Variants in CNOT4 observed in about 807,000 individuals in gnomAD.
CNOT4 encodes the protein CCR4-associated factor 4.
CNOT4 carries 8 observed loss-of-function variants against 73.8 expected under a neutral mutation model. That is an observed-to-expected ratio of 0.11 (90% CI 0.06 to 0.20). CNOT4 has a LOEUF of 0.20. Among genes scored for constraint, CNOT4 ranks in the 10% least tolerant of loss-of-function variants. The probability of loss-of-function intolerance (pLI) is 1.00; values close to 1 mark genes in which losing one functional copy is unlikely to be tolerated. For missense variants in CNOT4, 564 were observed against 883.4 expected (o/e 0.64, Z 4.58); for synonymous variants, 293 against 321.1 (o/e 0.91, Z 0.94).
chr7:135,443,045 T>C (rs1174606848), intron 1 of CNOT4, among the ~76,000 whole-genome samples: 1 of 151,164 alleles, frequency 6.6e-6, no homozygotes, highest in Admixed American at 6.6e-5. Flanking sequence ...GGTGATAGAG[T>C]GAAACCCTGT....
At chr7:135,465,682 C>T (rs1297233142) in intron 1 of CNOT4, among the ~76,000 whole-genome samples, 2 of 151,950 alleles carry the variant, frequency 1.3e-5, no homozygotes, top group East Asian at 3.9e-4. Context: ...TGGTGATGAT[C>T]CTGACCCTGT....
chr7:135,442,748 T>G (rs1275477298), intron 1 of CNOT4, among the ~76,000 whole-genome samples: 2 of 152,176 alleles, frequency 1.3e-5, no homozygotes, highest in African/African-American at 4.8e-5. Context: ...TAGAATTAAT[T>G]TGGCAGGGAA....
chr7:135,363,768 G>T lies in CNOT4; in HGVS notation c.1840+86C>A. 1 of 1,122,364 alleles carries T rather than the reference G, an allele frequency of 8.9e-7. No homozygotes were observed. The highest frequency in any genetic ancestry group is 1.3e-6 in the Non-Finnish European group (1 of 787,548). 69.5% of individuals were successfully genotyped at this position (1,122,364 alleles called of 1,614,324 possible). On this transcript the variant is annotated intron_variant, in intron 11 of 11. Transcript: ENST00000541284. The surrounding 1 kb of genome is among the most constrained non-coding windows in gnomAD (Gnocchi z 4.3). ...TGCGGCTTTGTGAAAAGCAGCTTAT[G>T]TTGAAGAGATCTCGGTTTTTATTTA...
At position 135,363,030 on chromosome 7, in the gene CNOT4, A is replaced by C; in HGVS notation, c.1997T>G (p.Leu666Arg). ...GTAGGGATTCCAACTGGCTCTGTGC[A>C]GCGGGATCTGTGTGCTGAAGGGGGC... ...HSAPFSTQIP[L>R]HRASWNPYPP... Residue 666 changes from leucine (L) to arginine (R), a missense_variant, in exon 12 of 12, where the codon CTG becomes CGG. Around this residue, in one of 10 missense-constraint regions of CNOT4, gnomAD observed 88 missense variants for 94.7 expected, o/e 0.93. Coordinates refer to ENST00000541284, the MANE Select transcript of CNOT4 (RefSeq NM_001190850.2). The surrounding 1 kb of genome is among the most constrained non-coding windows in gnomAD (Gnocchi z 4.3). The C allele has an allele frequency of 1.9e-6, 3 of 1,612,458 alleles. No homozygotes were observed. The highest frequency in any genetic ancestry group is 2.5e-6 in the Non-Finnish European group (3 of 1,179,658).
At position 135,483,118 on chromosome 7, in the gene CNOT4, T is replaced by C. The variant is rs186898134; in HGVS notation, c.-93+26771A>G. 7.1e-4 allele frequency among the ~76,000 whole-genome samples: 107 copies of C among 151,652 alleles called. 1 individual carries two copies. Among genetic ancestry groups the C allele is most frequent in the Admixed American group, 2.6e-3 (39 of 15,186 alleles). ...GGGAGGCCAAGGCAGGAGGACTGCTTGAGCCCTGGCATTTGAGACCAACCT... is the reference window on the plus strand; with the variant it reads ...GGGAGGCCAAGGCAGGAGGACTGCTCGAGCCCTGGCATTTGAGACCAACCT... On this transcript the variant is annotated intron_variant, in intron 1 of 11. Transcript: ENST00000541284.
At chr7:135,388,481 A>G in intron 10 of CNOT4, 1 of 999,020 alleles carries the variant, frequency 1.0e-6, no homozygotes, top group Non-Finnish European at 1.2e-6. Flanking sequence ...TTTCAATAAT[A>G]GAGCCAAAAT....
At chr7:135,459,717 T>A (rs2129486251) in intron 1 of CNOT4, among the ~76,000 whole-genome samples, 1 of 152,296 alleles carries the variant, frequency 6.6e-6, no homozygotes, top group South Asian at 2.1e-4. Flanking sequence ...GAATAGTCCA[T>A]GAGCACTGAC....
chr7:135,388,131 T>C (rs1243479796), intron 10 of CNOT4: 18 of 984,806 alleles, frequency 1.8e-5, no homozygotes, highest in Non-Finnish European at 2.0e-5. Flanking sequence ...AGAGATTATA[T>C]TGCATTTAGG....
chr7:135,425,016 T>G (rs1309113278), intron 2 of CNOT4, among the ~76,000 whole-genome samples: 5 of 152,172 alleles, frequency 3.3e-5, no homozygotes, highest in African/African-American at 7.2e-5. Flanking sequence ...TCAGAGCAAC[T>G]GACACTACCC....
chr7:135,388,140 G>A (rs1319440810), intron 10 of CNOT4: 1 of 984,818 alleles, frequency 1.0e-6, no homozygotes, highest in Non-Finnish European at 1.2e-6. Flanking sequence ...ATTGCATTTA[G>A]GCTACAATAA....
chr7:135,489,387 A>AT (rs1170141212), intron 1 of CNOT4, among the ~76,000 whole-genome samples: 2 of 126,420 alleles, frequency 1.6e-5, no homozygotes, highest in African/African-American at 3.1e-5. Context: ...GACTAGTCAC[A>AT]TTTCTTTTTT....
chr7:135,414,293 C>T, intron 5 of CNOT4, 38 bp downstream of exon 5: 1 of 776,414 alleles, frequency 1.3e-6, no homozygotes, highest in Non-Finnish European at 2.2e-6. Context: ...TCTCGTCTTC[C>T]TTAAAAAAAA....
At chr7:135,444,382 A>C in intron 1 of CNOT4, 2 of 695,490 alleles carry the variant, frequency 2.9e-6, no homozygotes, top group Non-Finnish European at 5.3e-6. Flanking sequence ...CCATCAATGG[A>C]GGCATACACA....
intron 1 of CNOT4, among the ~76,000 whole-genome samples, chr7:135,451,763 CAA>C (rs1378349588): frequency 2.6e-5 from 4 of 152,104 alleles, no homozygotes; most frequent in African/African-American, 7.2e-5. Flanking sequence ...TGTGTTTTTG[CAA>C]AGAGACTATT....
chr7:135,456,027 G>A (rs1320465093), intron 1 of CNOT4, among the ~76,000 whole-genome samples: 3 of 152,130 alleles, frequency 2.0e-5, no homozygotes, highest in African/African-American at 7.2e-5. Flanking sequence ...GAAAACAGAA[G>A]AGAATCTAGA....
rs61487024 is a variant in CNOT4, at chr7:135,479,198, ATTTTTTTTTTTT to A, written c.-93+30679_-93+30690del. ...TCTCACCAAAGCCTATTAGAACCAA[ATTTTTTTTTTTT>A]TTTTTTTTTTTTTTTTTGAGATGGA... On this transcript the variant is annotated intron_variant, in intron 1 of 11. Transcript: ENST00000541284. Among the ~76,000 whole-genome samples, 134 of 89,876 alleles carry A rather than the reference ATTTTTTTTTTTT, an allele frequency of 1.5e-3. 2 individuals are homozygous for A. Among genetic ancestry groups the A allele is most frequent in the Middle Eastern group, 7.0e-3 (1 of 142 alleles). The allele number at this position is 89,876 out of a possible 152,430, so 59.0% of individuals were successfully genotyped here.
chr7:135,383,720 T>C (rs1240564990), intron 10 of CNOT4, among the ~76,000 whole-genome samples: 2 of 152,228 alleles, frequency 1.3e-5, no homozygotes, highest in Non-Finnish European at 2.9e-5. Flanking sequence ...CATTGAGTGG[T>C]TATCACAGTG....
chr7:135,414,391 T>C lies in CNOT4; in HGVS notation c.501A>G (p.Glu167=). ...CACACTGTATGGCTCTGAGAGCGTCTTCTGACCGGATATAGGTTACATAAG... is the reference window on the plus strand; with the variant it reads ...CACACTGTATGGCTCTGAGAGCGTCCTCTGACCGGATATAGGTTACATAAG... ...ASAYVTYIRS[E]DALRAIQCVN... The change falls in exon 5 of 12, where the codon GAA becomes GAG. Residue 167 remains glutamate (E), a synonymous_variant. Transcript: ENST00000541284. 6.4e-7 allele frequency: 1 copy of C among 1,567,502 alleles called. No homozygotes were observed. Among genetic ancestry groups the C allele is most frequent in the Non-Finnish European group, 8.8e-7 (1 of 1,138,888 alleles).
At chr7:135,378,436 A>G (rs111838423) in intron 10 of CNOT4, among the ~76,000 whole-genome samples, 5,328 of 151,956 alleles carry the variant, frequency 0.035, 316 homozygotes, top group African/African-American at 0.12. Context: ...CCTGGGAGGC[A>G]GAGGCTGCAG....
Sources: gnomAD v4.1 joint callset for allele counts (sites outside exome capture counted in the v4.1 genomes callset) on GRCh38, gnomAD v4.1.1 for gene constraint, gnomAD v4.1.1 regional missense constraint, Gnocchi (gnomAD v3.1) non-coding constraint, MANE v1.5 for transcripts, NCBI Gene and HGNC (gene_info 2026-07-23, HGNC 2026-07-21) for gene names.